Variants in ITGAX observed in about 807,000 individuals in gnomAD.
The protein encoded by ITGAX is integrin alpha-X.
In ITGAX, 99 loss-of-function variants were observed where a neutral mutation model predicts 140.2. That is an observed-to-expected ratio of 0.71 (90% confidence interval 0.60 to 0.83). The LOEUF (loss-of-function observed/expected upper bound fraction) is 0.83, where lower values mean the gene tolerates loss of function less well. ITGAX is among the 40% of genes least tolerant of loss of function. ITGAX has a pLI of 0.00. For missense variants in ITGAX, 1,444 were observed against 1,482.0 expected (o/e 0.97, Z 0.42); for synonymous variants, 631 against 600.4 (o/e 1.05, Z -0.75).
In ITGAX at chr16:31,371,181, C is replaced by T. The variant is rs1365549670; in HGVS notation, c.1808C>T (p.Ala603Val). The T allele has an allele frequency of 1.2e-6, 2 of 1,611,578 alleles. No individual in the cohort carries two copies. The highest frequency in any genetic ancestry group is 2.7e-5 in the African/African-American group (2 of 74,914). ...ACCCAGGATGGACTGGTGGACCTGG[C>T]TGTGGGGGCCCGGGGCCAGGTGCTC... ...DLTQDGLVDL[A>V]VGARGQVLLL... The change falls in exon 15 of 30, where the codon GCT (alanine) becomes GTT (valine). Residue 603 changes from alanine to valine, a missense_variant. Physicochemically the swap from Ala to Val is moderately conservative, Grantham distance 64 (BLOSUM62 0). Transcript: ENST00000268296.
In ITGAX at chr16:31,373,342, C is replaced by T. The variant is rs752131756; in HGVS notation, c.2460C>T (p.Thr820=). ...DGEDSYGTTI[T]FSHPAGLSYR... ...AAGACTCCTACGGAACCACCATCACCTTCTCCCACCCCGCAGGACTGTCCT... is the reference window on the plus strand; with the variant it reads ...AAGACTCCTACGGAACCACCATCACTTTCTCCCACCCCGCAGGACTGTCCT... Residue 820 remains threonine (T), a synonymous_variant, in exon 20 of 30, where the codon ACC becomes ACT. Coordinates refer to ENST00000268296, the MANE Select transcript of ITGAX (RefSeq NM_000887.5). 5 of 1,613,556 alleles carry T rather than the reference C, an allele frequency of 3.1e-6. No homozygotes were observed. In the African/African-American group the frequency reaches 6.7e-5, roughly 22 times the overall value.
rs142434946 is a variant in ITGAX at position 31,380,060 on chromosome 16, G to A, written c.3055G>A (p.Val1019Met). 6.9e-4 allele frequency: 1,121 copies of A among 1,613,836 alleles called. 1 individual carries two copies. The highest frequency in any genetic ancestry group is 8.7e-4 in the Non-Finnish European group (1,024 of 1,179,882). The change falls in exon 26 of 30, where the codon GTG (valine) becomes ATG (methionine). Residue 1019 changes from valine to methionine, a missense_variant. Val to Met is a conservative substitution (Grantham distance 21). Coordinates refer to ENST00000268296, the MANE Select transcript of ITGAX (RefSeq NM_000887.5). ...DFLAHIQKNP[V>M]LDCSIAGCLR... is the part of the protein sequence containing the mutation. Reference sequence around the variant, plus strand: ...CCTGGCGCACATTCAGAAGAATCCCGTGCTGGTGAGGAGGGCTCTGGGCTG... The same window carrying A: ...CCTGGCGCACATTCAGAAGAATCCCATGCTGGTGAGGAGGGCTCTGGGCTG...
In ITGAX at chr16:31,362,697, A is replaced by T. The variant is rs757716357; in HGVS notation, c.1303A>T (p.Ile435Phe). The change falls in exon 12 of 30, where the codon ATC (isoleucine) becomes TTC (phenylalanine). Residue 435 changes from isoleucine (I) to phenylalanine (F), a missense_variant. Ile to Phe is a conservative substitution (Grantham distance 21). Coordinates refer to ENST00000268296, the MANE Select transcript of ITGAX (RefSeq NM_000887.5). Reference protein sequence around the residue: ...PRYQHTGKAVIFTQVSRQWRM... With the variant: ...PRYQHTGKAVFFTQVSRQWRM... ...CTACCAGCACACCGGGAAGGCTGTC[A>T]TCTTCACCCAGGTGTCCAGGCAATG... 1.9e-6 allele frequency: 3 copies of T among 1,613,894 alleles called. No individual in the cohort carries two copies. Among genetic ancestry groups the T allele is most frequent in the East Asian group, 4.5e-5 (2 of 44,860 alleles).
In ITGAX at chr16:31,371,747, T is replaced by C; in HGVS notation, c.2123T>C (p.Leu708Pro). Reference sequence around the variant, plus strand: ...CTGAGCCGAGTCCGAGTCCTCGGGCTGAAGGCACACTGTGAAAACTTCAAC... The same window carrying C: ...CTGAGCCGAGTCCGAGTCCTCGGGCCGAAGGCACACTGTGAAAACTTCAAC... ...RSLSRVRVLG[L>P]KAHCENFNLL... is the part of the protein sequence containing the mutation. Residue 708 changes from leucine to proline, a missense_variant, in exon 17 of 30, where the codon CTG becomes CCG. Physicochemically the swap from Leu to Pro is moderately conservative, Grantham distance 98. Coordinates refer to ENST00000268296, the MANE Select transcript of ITGAX (RefSeq NM_000887.5). 1.2e-6 allele frequency: 2 copies of C among 1,614,094 alleles called. No homozygotes were observed. Among genetic ancestry groups the C allele is most frequent in the South Asian group, 1.1e-5 (1 of 91,080 alleles).
At position 31,371,717 on chromosome 16, in the gene ITGAX, G is replaced by C. The variant is rs202224634; in HGVS notation, c.2093G>C (p.Arg698Pro). ...PRATFQETKNRSLSRVRVLGL... is the reference protein window; with the variant it reads ...PRATFQETKNPSLSRVRVLGL... ...GCCACCTTCCAGGAAACAAAGAACCGGAGTCTGAGCCGAGTCCGAGTCCTC... is the reference window on the plus strand; with the variant it reads ...GCCACCTTCCAGGAAACAAAGAACCCGAGTCTGAGCCGAGTCCGAGTCCTC... Residue 698 changes from arginine to proline, a missense_variant, in exon 17 of 30, where the codon CGG becomes CCG. Coordinates refer to ENST00000268296, the MANE Select transcript of ITGAX (RefSeq NM_000887.5). 3.7e-6 allele frequency: 6 copies of C among 1,614,116 alleles called. No individual in the cohort carries two copies. The highest frequency in any genetic ancestry group is 4.2e-6 in the Non-Finnish European group (5 of 1,180,030).
intron 23 of ITGAX, among the ~76,000 whole-genome samples, chr16:31,378,345 G>A (rs961050676): frequency 4.6e-5 from 7 of 152,236 alleles, no homozygotes; most frequent in African/African-American, 9.6e-5. Flanking sequence ...GAAGGAAAGC[G>A]GAGGGGCAGG....
chr16:31,368,477 G>A (rs1296116538), intron 14 of ITGAX, among the ~76,000 whole-genome samples: 4 of 118,846 alleles, frequency 3.4e-5, no homozygotes, highest in South Asian at 2.8e-4. Context: ...TAGCCTGGGC[G>A]ACAGAGTGAA....
rs752765905 is a variant in ITGAX, at chr16:31,355,920, T to C, written c.65T>C (p.Leu22Ser). Reference protein sequence around the residue: ...TALATSLGFNLDTEELTAFRV... With the variant: ...TALATSLGFNSDTEELTAFRV... The stretch of plus-strand genomic sequence containing the variant: ...TTAGCAACTTCTCTAGGTTTCAACT[T>C]GGACACAGAGGAGCTGACAGCCTTC... The change falls in exon 2 of 30, where the codon TTG (leucine) becomes TCG (serine). Residue 22 changes from leucine (L) to serine (S), a missense_variant. Physicochemically the swap from Leu to Ser is moderately radical, Grantham distance 145. Coordinates refer to ENST00000268296, the MANE Select transcript of ITGAX (RefSeq NM_000887.5). The C allele has an allele frequency of 1.2e-6, 2 of 1,613,814 alleles. No individual in the cohort carries two copies. Among genetic ancestry groups the C allele is most frequent in the Admixed American group, 1.7e-5 (1 of 60,000 alleles).
At position 31,371,690 on chromosome 16, in the gene ITGAX, G is replaced by A. The variant is rs529457963; in HGVS notation, c.2066G>A (p.Arg689His). 2.0e-5 allele frequency: 33 copies of A among 1,614,090 alleles called. No homozygotes were observed. The highest frequency in any genetic ancestry group is 3.3e-5 in the Admixed American group (2 of 60,016). Reference sequence around the variant, plus strand: ...CTCGACCCTGGCCGCCTGAGTCCCCGTGCCACCTTCCAGGAAACAAAGAAC... The same window carrying A: ...CTCGACCCTGGCCGCCTGAGTCCCCATGCCACCTTCCAGGAAACAAAGAAC... ...LALDPGRLSP[R>H]ATFQETKNRS... The change falls in exon 17 of 30, where the codon CGT becomes CAT. Residue 689 changes from arginine (R) to histidine (H), a missense_variant. Physicochemically the swap from Arg to His is conservative, Grantham distance 29. Coordinates refer to ENST00000268296, the MANE Select transcript of ITGAX (RefSeq NM_000887.5).
Position 31,362,221 on chromosome 16 carries a change from G to T in ITGAX, c.1216+17G>T. ...CTTACCTGGGTGAGAAACAGCCAGG[G>T]GTTGGGGACAGGTGGGAGATGCACT... On this transcript the variant is annotated intron_variant, in intron 11 of 29. Coordinates refer to ENST00000268296, the MANE Select transcript of ITGAX (RefSeq NM_000887.5). 1 of 1,613,770 alleles carries T rather than the reference G, an allele frequency of 6.2e-7. No homozygotes were observed. Among genetic ancestry groups the T allele is most frequent in the South Asian group, 1.1e-5 (1 of 91,064 alleles).
chr16:31,372,165 TGG>T (rs59381287), intron 17 of ITGAX, among the ~76,000 whole-genome samples: 4 of 120,280 alleles, frequency 3.3e-5, no homozygotes, highest in East Asian at 2.3e-4. Flanking sequence ...TCGGGAGGTC[TGG>T]GGGGGGGGAG....
At chr16:31,368,990 A>G (rs1004843642) in intron 14 of ITGAX, among the ~76,000 whole-genome samples, 31 of 151,908 alleles carry the variant, frequency 2.0e-4, no homozygotes, top group South Asian at 8.3e-4. Flanking sequence ...AAAATGAAAA[A>G]TCTCCCATGT....
intron 4 of ITGAX, 35 bp from the exon 5 acceptor site, chr16:31,357,218 A>T: frequency 6.5e-7 from 1 of 1,541,560 alleles, no homozygotes; most frequent in Non-Finnish European, 8.9e-7. Flanking sequence ...GGGAGGAAGC[A>T]GGGGCAGCCC....
At chr16:31,370,979 C>A in intron 14 of ITGAX, 105 bp from the exon 15 acceptor site, 1 of 1,447,656 alleles carries the variant, frequency 6.9e-7, no homozygotes, top group Non-Finnish European at 9.6e-7. Context: ...CAACTCACCC[C>A]TTCTCTCCCT....
intron 9 of ITGAX, 24 bp from the exon 10 acceptor site, chr16:31,361,812 C>A (rs1369178860): frequency 6.2e-7 from 1 of 1,613,432 alleles, no homozygotes; most frequent in Non-Finnish European, 8.5e-7. Flanking sequence ...CTCCCTGGCA[C>A]TCAAGCGTCA....
Position 31,373,316 on chromosome 16 carries a change from G to C in ITGAX, c.2434G>C (p.Glu812Gln), listed in dbSNP as rs979054037. Residue 812 changes from glutamate to glutamine, a missense_variant, in exon 20 of 30, where the codon GAA becomes CAA. Physicochemically the swap from Glu to Gln is conservative, Grantham distance 29. Coordinates refer to ENST00000268296, the MANE Select transcript of ITGAX (RefSeq NM_000887.5). ...AGAAGTGATGGTGTGGAATGACGGGGAAGACTCCTACGGAACCACCATCAC... is the reference window on the plus strand; with the variant it reads ...AGAAGTGATGGTGTGGAATGACGGGCAAGACTCCTACGGAACCACCATCAC... ...NAEVMVWNDG[E>Q]DSYGTTITFS... 6.8e-6 allele frequency: 11 copies of C among 1,613,812 alleles called. No homozygotes were observed. The highest frequency in any genetic ancestry group is 6.6e-5 in the South Asian group (6 of 91,070).
chr16:31,362,511 G>A (rs1597067365), intron 11 of ITGAX, 100 bp from the exon 12 acceptor site: 5 of 1,381,986 alleles, frequency 3.6e-6, no homozygotes, highest in Non-Finnish European at 2.9e-6. Flanking sequence ...GGGGTCCAGG[G>A]TTCTGGGGAG....
In ITGAX at chr16:31,360,424, C is replaced by T. The variant is rs748380386; in HGVS notation, c.822C>T (p.Pro274=). ...GDSLDYKDVI[P]MADAAGIIRY... ...GCCTGGATTATAAGGATGTCATCCCCATGGCTGATGCAGCAGGCATCATCC... is the reference window on the plus strand; with the variant it reads ...GCCTGGATTATAAGGATGTCATCCCTATGGCTGATGCAGCAGGCATCATCC... The change falls in exon 8 of 30, where the codon CCC becomes CCT. Residue 274 remains proline (P), a synonymous_variant. Transcript: ENST00000268296. 1.9e-6 allele frequency: 3 copies of T among 1,613,640 alleles called. No homozygotes were observed. The South Asian group carries it at 3.3e-5, about 18-fold the overall frequency.
At chr16:31,366,604 C>T (rs2080895037) in intron 14 of ITGAX, among the ~76,000 whole-genome samples, 1 of 152,236 alleles carries the variant, frequency 6.6e-6, no homozygotes, top group Admixed American at 6.5e-5. Context: ...AAACTTCCCC[C>T]TCTGGGGTTC....
Sources: allele counts gnomAD v4.1 joint callset (sites outside exome capture counted in the v4.1 genomes callset), GRCh38; gene constraint gnomAD v4.1.1; transcripts MANE v1.5; gene names NCBI Gene and HGNC (gene_info 2026-07-23, HGNC 2026-07-21).